Variants in NHERF2 observed in about 807,000 individuals in gnomAD.
The protein encoded by NHERF2 is Na(+)/H(+) exchange regulatory cofactor NHE-RF2.
the NHERF2 span, chr16:2,037,086 C>T: frequency 2.7e-6 from 4 of 1,463,194 alleles, no homozygotes; most frequent in African/African-American, 4.2e-5. Context: ...GAGATCCGTC[C>T]TCGAGGTGTG....
the NHERF2 span, chr16:2,036,887 C>T: frequency 6.2e-7 from 1 of 1,605,220 alleles, no homozygotes; most frequent in Non-Finnish European, 8.5e-7. Context: ...GGAAGGTGGG[C>T]CACGGCCCAG....
At chr16:2,034,363 G>C in the NHERF2 span, among the ~76,000 whole-genome samples, 23 of 128,960 alleles carry the variant, frequency 1.8e-4, no homozygotes, top group Admixed American at 6.1e-4. Context: ...TCCCGAACTG[G>C]ACTCCTGTCC....
At chr16:2,038,964 C>G in the NHERF2 span, 2 of 152,738 alleles carry the variant, frequency 1.3e-5, no homozygotes, top group African/African-American at 4.8e-5. Flanking sequence ...TCGACCGGCA[C>G]CGCTGTTGCC....
chr16:2,029,094 A>T, the NHERF2 span, among the ~76,000 whole-genome samples: 2 of 152,200 alleles, frequency 1.3e-5, no homozygotes, highest in African/African-American at 4.8e-5. Context: ...CACGGCAGAG[A>T]ATGACGGGAA....
chr16:2,033,254 A>T, the NHERF2 span: 1 of 1,522,164 alleles, frequency 6.6e-7, no homozygotes, highest in South Asian at 1.2e-5. Flanking sequence ...CCAGGGCCGC[A>T]GAGGGAGGTA....
chr16:2,037,987 C>G, the NHERF2 span: 1 of 1,613,468 alleles, frequency 6.2e-7, no homozygotes, highest in Non-Finnish European at 8.5e-7. Context: ...ACTTCTGAGC[C>G]CCTTCCTGCC....
At chr16:2,035,112 T>G in the NHERF2 span, among the ~76,000 whole-genome samples, 1 of 151,484 alleles carries the variant, frequency 6.6e-6, no homozygotes. Flanking sequence ...GTTCAGAGGG[T>G]GGGCAGGAGG....
At chr16:2,032,858 C>A in the NHERF2 span, 5 of 1,009,522 alleles carry the variant, frequency 5.0e-6, no homozygotes, top group Admixed American at 2.7e-4. The surrounding 1 kb of genome is among the most constrained non-coding windows in gnomAD (Gnocchi z 4.0). Flanking sequence ...GAGCCCTCTG[C>A]CCCCTGCCCC....
chr16:2,038,139 T>C, the NHERF2 span: 1 of 894,698 alleles, frequency 1.1e-6, no homozygotes, highest in Non-Finnish European at 1.7e-6. Context: ...ATCCTGCCCC[T>C]GCCCACCAGG....
chr16:2,036,976 C>T, the NHERF2 span: 1 of 1,552,400 alleles, frequency 6.4e-7, no homozygotes, highest in Non-Finnish European at 8.7e-7. Flanking sequence ...TCACCCGTCA[C>T]CAATGGAACC....
the NHERF2 span, among the ~76,000 whole-genome samples, chr16:2,030,248 G>T: frequency 6.6e-6 from 1 of 152,204 alleles, no homozygotes; most frequent in Non-Finnish European, 1.5e-5. Flanking sequence ...AGGCAGCGCC[G>T]TGGTTGGGGA....
At chr16:2,028,699 C>A in the NHERF2 span, among the ~76,000 whole-genome samples, 2 of 152,160 alleles carry the variant, frequency 1.3e-5, no homozygotes, top group Non-Finnish European at 2.9e-5. Flanking sequence ...CTGTTCACCA[C>A]CCCTGCTGAG....
chr16:2,029,696 C>A, the NHERF2 span: 1 of 1,558,786 alleles, frequency 6.4e-7, no homozygotes, highest in Non-Finnish European at 8.7e-7. Flanking sequence ...GATGGCCCAG[C>A]GAGGGCTCCC....
the NHERF2 span, among the ~76,000 whole-genome samples, chr16:2,034,276 C>T: frequency 6.6e-6 from 1 of 152,188 alleles, no homozygotes; most frequent in Non-Finnish European, 1.5e-5. Context: ...GCTCCCACCT[C>T]CTCCACTGAA....
At chr16:2,038,221 C>T in the NHERF2 span, 1 of 566,718 alleles carries the variant, frequency 1.8e-6, no homozygotes, top group Non-Finnish European at 3.1e-6. Context: ...GAGACAGAGA[C>T]AGAGAGAGAG....
the NHERF2 span, chr16:2,036,763 T>C: frequency 1.2e-6 from 2 of 1,613,096 alleles, no homozygotes; most frequent in Non-Finnish European, 1.7e-6. Flanking sequence ...TGCGCCATGC[T>C]GAGGTGGTGG....
chr16:2,029,035 C>T, the NHERF2 span, among the ~76,000 whole-genome samples: 1 of 152,172 alleles, frequency 6.6e-6, no homozygotes, highest in Non-Finnish European at 1.5e-5. Context: ...TGGCCATGGC[C>T]TGGAGGTAGA....
the NHERF2 span, among the ~76,000 whole-genome samples, chr16:2,032,453 G>A: frequency 6.6e-6 from 1 of 152,250 alleles, no homozygotes; most frequent in Non-Finnish European, 1.5e-5. The surrounding 1 kb of genome is among the most constrained non-coding windows in gnomAD (Gnocchi z 4.0). Context: ...TGGTCAGGGA[G>A]CCCAGGAGGG....
chr16:2,033,215 C>G, the NHERF2 span: 1 of 1,489,618 alleles, frequency 6.7e-7, no homozygotes, highest in African/African-American at 1.4e-5. Flanking sequence ...AGTGACTCAG[C>G]CCCCACGTCC....
Sources: allele counts gnomAD v4.1 joint callset (sites outside exome capture counted in the v4.1 genomes callset), GRCh38; gene constraint gnomAD v4.1.1; non-coding constraint Gnocchi (gnomAD v3.1); transcripts MANE v1.5; gene names NCBI Gene and HGNC (gene_info 2026-07-23, HGNC 2026-07-21).